The following NTM variants were observed in gnomAD, a reference collection of about 807,000 sequenced individuals.
NTM encodes the protein neurotrimin, also known as IgLON family member 2.
NTM carries 13 observed loss-of-function variants against 42.1 expected under a neutral mutation model. That is an observed-to-expected ratio of 0.31 (90% confidence interval 0.20 to 0.49). The LOEUF (loss-of-function observed/expected upper bound fraction) is 0.49. NTM is among the 20% of genes least tolerant of loss of function. NTM has a pLI of 0.99. For missense variants in NTM, 373 were observed against 452.8 expected (o/e 0.82, Z 1.60); for synonymous variants, 187 against 179.2 (o/e 1.04, Z -0.35).
intron 4 of NTM, among the ~76,000 whole-genome samples, chr11:132,301,350 G>A (rs1438339034): frequency 6.6e-6 from 1 of 152,182 alleles, no homozygotes; most frequent in African/African-American, 2.4e-5. Flanking sequence ...GACATGTGGG[G>A]ATTATGGGAA....
At chr11:131,396,267 G>A (rs1399744329) in intron 1 of NTM, among the ~76,000 whole-genome samples, 1 of 152,154 alleles carries the variant, frequency 6.6e-6, no homozygotes, top group Admixed American at 6.5e-5. Context: ...AAGGATAAGG[G>A]TTAAATCTAT....
intron 1 of NTM, among the ~76,000 whole-genome samples, chr11:131,380,036 C>T (rs1474778863): frequency 6.6e-6 from 1 of 152,174 alleles, no homozygotes; most frequent in Non-Finnish European, 1.5e-5. Context: ...CTCTCCTAAA[C>T]TGAGGCACTC....
chr11:132,310,081 G>A, intron 5 of NTM, 31 bp from the exon 6 acceptor site: 2 of 1,552,100 alleles, frequency 1.3e-6, no homozygotes, highest in East Asian at 2.3e-5. Context: ...AAAAGGTGGG[G>A]GGGCGGCTAT....
At chr11:131,416,438 G>A (rs1440598095) in intron 1 of NTM, among the ~76,000 whole-genome samples, 1 of 152,096 alleles carries the variant, frequency 6.6e-6, no homozygotes, top group East Asian at 1.9e-4. Flanking sequence ...TCAAACACAC[G>A]GTTGCCTCTC....
intron 1 of NTM, among the ~76,000 whole-genome samples, chr11:131,495,439 G>A (rs1293643786): frequency 6.6e-6 from 1 of 152,258 alleles, no homozygotes; most frequent in Non-Finnish European, 1.5e-5. Flanking sequence ...GGCCAGGAAA[G>A]CTCTGCACTG....
intron 1 of NTM, among the ~76,000 whole-genome samples, chr11:131,812,226 C>T (rs983297866): frequency 2.1e-5 from 3 of 145,194 alleles, no homozygotes; most frequent in African/African-American, 7.4e-5. Flanking sequence ...CTCTCTTCCC[C>T]TTCCTCCCTC....
At chr11:131,477,926 G>A (rs1011001916) in intron 1 of NTM, among the ~76,000 whole-genome samples, 2 of 151,766 alleles carry the variant, frequency 1.3e-5, no homozygotes, top group Non-Finnish European at 2.9e-5. Context: ...TTAGGACAGT[G>A]GAACCTGCTC....
chr11:131,434,618 G>A lies in NTM; in HGVS notation c.82+63730G>A, dbSNP rs150050066. On this transcript the variant is annotated intron_variant, in intron 1 of 8. Transcript: ENST00000683400. The stretch of plus-strand genomic sequence containing the variant: ...AGAAGTGTCTGTTCATATCCTTTGC[G>A]CACTTTTCGATGAGGTTGTTTGTTC... 7.5e-3 allele frequency among the ~76,000 whole-genome samples: 1,146 copies of A among 152,030 alleles called. 15 individuals are homozygous for A. The highest frequency in any genetic ancestry group is 0.026 in the African/African-American group (1,067 of 41,482).
intron 1 of NTM, among the ~76,000 whole-genome samples, chr11:131,887,012 C>A (rs987270696): frequency 6.6e-6 from 1 of 152,178 alleles, no homozygotes; most frequent in Admixed American, 6.5e-5. Context: ...GCTGGTAAAA[C>A]CCCCATCAGT....
intron 1 of NTM, among the ~76,000 whole-genome samples, chr11:131,779,517 C>G (rs555441345): frequency 6.6e-6 from 1 of 152,220 alleles, no homozygotes; most frequent in African/African-American, 2.4e-5. Context: ...AATGATATAA[C>G]ATAGTCTGTG....
intron 8 of NTM, among the ~76,000 whole-genome samples, 189 bp downstream of exon 8, chr11:132,330,374 C>T (rs2095779883): frequency 1.3e-5 from 2 of 152,280 alleles, no homozygotes; most frequent in South Asian, 4.1e-4. Context: ...CCAATCCTTC[C>T]TAGGTAGATC....
intron 2 of NTM, among the ~76,000 whole-genome samples, chr11:131,912,047 G>T (rs1247369813): frequency 6.6e-6 from 1 of 152,190 alleles, no homozygotes; most frequent in Non-Finnish European, 1.5e-5. Context: ...CAAAGGAGGG[G>T]TCTGGCTTGG....
chr11:131,632,924 C>T (rs943039657), intron 1 of NTM, among the ~76,000 whole-genome samples: 1 of 147,358 alleles, frequency 6.8e-6, no homozygotes. Context: ...CCGCCCATCT[C>T]AGCCTCCCAA....
At chr11:132,166,980 A>G (rs1456254656) in intron 3 of NTM, among the ~76,000 whole-genome samples, 1 of 152,204 alleles carries the variant, frequency 6.6e-6, no homozygotes, top group Non-Finnish European at 1.5e-5. Flanking sequence ...CTCCCTGGAC[A>G]TCTCCCACTC....
At chr11:132,220,600 C>T (rs910534863) in intron 4 of NTM, among the ~76,000 whole-genome samples, 1 of 152,040 alleles carries the variant, frequency 6.6e-6, no homozygotes, top group African/African-American at 2.4e-5. Flanking sequence ...GAGTGCATAC[C>T]ACAGACACTG....
chr11:131,673,159 T>A (rs1323692580), intron 1 of NTM, among the ~76,000 whole-genome samples: 1 of 152,158 alleles, frequency 6.6e-6, no homozygotes, highest in Non-Finnish European at 1.5e-5. Context: ...CTGAGGTTTC[T>A]GGTGGTAAAT....
intron 1 of NTM, among the ~76,000 whole-genome samples, chr11:131,481,573 T>A (rs1247045487): frequency 6.6e-6 from 1 of 152,210 alleles, no homozygotes; most frequent in Non-Finnish European, 1.5e-5. Context: ...CCAAGTATTA[T>A]GCAACCTTTT....
chr11:132,040,125 G>A (rs1250219984), intron 2 of NTM, among the ~76,000 whole-genome samples: 1 of 151,998 alleles, frequency 6.6e-6, no homozygotes, highest in Admixed American at 6.6e-5. Context: ...AGACGAGATG[G>A]GGGTTTCACC....
At chr11:131,489,434 G>T (rs1168327820) in intron 1 of NTM, among the ~76,000 whole-genome samples, 1 of 152,148 alleles carries the variant, frequency 6.6e-6, no homozygotes, top group South Asian at 2.1e-4. Context: ...TGTGCTCCAT[G>T]CCCTAGCATA....
Sources: allele counts gnomAD v4.1 joint callset (sites outside exome capture counted in the v4.1 genomes callset), GRCh38; gene constraint gnomAD v4.1.1; transcripts MANE v1.5; gene names NCBI Gene and HGNC (gene_info 2026-07-23, HGNC 2026-07-21).